LHFPL3: variants seen among roughly 807,000 people sequenced by gnomAD.
LHFPL3 encodes LHFPL tetraspan subfamily member 3 protein.
A neutral mutation model predicts 19.3 loss-of-function variants in LHFPL3; 5 were observed. That is an observed-to-expected ratio of 0.26 (90% CI 0.14 to 0.54). The LOEUF (loss-of-function observed/expected upper bound fraction) is 0.54, where lower values mean the gene tolerates loss of function less well. Ranked by LOEUF, LHFPL3 falls within the 20% of genes least tolerant of loss-of-function variation. The pLI, the probability that LHFPL3 is intolerant of heterozygous loss-of-function variation, is 0.94. For synonymous variants in LHFPL3, 133 were observed against 126.2 expected (o/e 1.05, Z -0.36); for missense variants, 249 against 307.4 (o/e 0.81, Z 1.42).
intron 1 of LHFPL3, among the ~76,000 whole-genome samples, chr7:104,709,543 T>G (rs1028469469): frequency 4.5e-4 from 67 of 149,876 alleles, no homozygotes; most frequent in African/African-American, 1.6e-3. Context: ...GAGCACGGGG[T>G]TGGGGGTAAG....
At chr7:104,465,809 T>G (rs1313284514) in intron 1 of LHFPL3, among the ~76,000 whole-genome samples, 1 of 152,224 alleles carries the variant, frequency 6.6e-6, no homozygotes, top group African/African-American at 2.4e-5. Context: ...ACCATATCAC[T>G]GCCTTAATTT....
At chr7:104,352,822 G>A (rs190256544) in intron 1 of LHFPL3, among the ~76,000 whole-genome samples, 13 of 152,318 alleles carry the variant, frequency 8.5e-5, no homozygotes, top group African/African-American at 2.9e-4. Flanking sequence ...TGGGTTCCAC[G>A]GATGTGGGAA....
At chr7:104,904,884 T>C (rs1465624925) in intron 2 of LHFPL3, among the ~76,000 whole-genome samples, 5 of 152,188 alleles carry the variant, frequency 3.3e-5, no homozygotes, top group Non-Finnish European at 5.9e-5. Context: ...GCTGTATTGA[T>C]ACAGGATCAG....
At chr7:104,641,624 G>T (rs1283606815) in intron 1 of LHFPL3, among the ~76,000 whole-genome samples, 1 of 152,126 alleles carries the variant, frequency 6.6e-6, no homozygotes, top group African/African-American at 2.4e-5. Context: ...TTCTTTAGTG[G>T]ATAGTCACTC....
intron 1 of LHFPL3, among the ~76,000 whole-genome samples, chr7:104,373,925 C>CA (rs954093028): frequency 8.6e-5 from 13 of 151,860 alleles, no homozygotes; most frequent in Admixed American, 2.0e-4. Flanking sequence ...AAAACAAAAA[C>CA]AAAAAAACAT....
At chr7:104,773,753 G>A (rs781002415) in intron 2 of LHFPL3, among the ~76,000 whole-genome samples, 8 of 152,074 alleles carry the variant, frequency 5.3e-5, no homozygotes, top group African/African-American at 1.7e-4. Flanking sequence ...GGTGGAGATC[G>A]GGCGACACAT....
intron 1 of LHFPL3, among the ~76,000 whole-genome samples, chr7:104,654,160 A>G (rs1173402273): frequency 6.6e-6 from 1 of 152,196 alleles, no homozygotes; most frequent in East Asian, 1.9e-4. Flanking sequence ...TTTCTTAGTC[A>G]GTTGCTTTAT....
intron 2 of LHFPL3, among the ~76,000 whole-genome samples, chr7:104,894,172 T>C (rs1356656554): frequency 6.6e-6 from 1 of 152,184 alleles, no homozygotes; most frequent in African/African-American, 2.4e-5. Flanking sequence ...TACAGTGGTA[T>C]GGATACTACT....
intron 1 of LHFPL3, among the ~76,000 whole-genome samples, chr7:104,697,409 A>G (rs558816242): frequency 2.2e-4 from 33 of 152,368 alleles, no homozygotes; most frequent in African/African-American, 6.7e-4. Flanking sequence ...CACATAATGT[A>G]TATGTCACCA....
chr7:104,596,439 A>G (rs1790860777), intron 1 of LHFPL3, among the ~76,000 whole-genome samples: 1 of 152,252 alleles, frequency 6.6e-6, no homozygotes, highest in African/African-American at 2.4e-5. Context: ...ATCTCTTAGT[A>G]TGATTTATTG....
intron 1 of LHFPL3, among the ~76,000 whole-genome samples, chr7:104,464,662 T>C (rs1792742354): frequency 6.6e-6 from 1 of 152,232 alleles, no homozygotes; most frequent in Non-Finnish European, 1.5e-5. Flanking sequence ...GAAGCAATGG[T>C]TGAGCTATAC....
chr7:104,748,198 C>A (rs1794087354), intron 2 of LHFPL3, among the ~76,000 whole-genome samples: 1 of 151,410 alleles, frequency 6.6e-6, no homozygotes, highest in South Asian at 2.1e-4. Context: ...CTCAAGTACC[C>A]AGGGACACAA....
intron 1 of LHFPL3, among the ~76,000 whole-genome samples, chr7:104,333,481 G>A (rs937420124): frequency 6.6e-6 from 1 of 152,180 alleles, no homozygotes; most frequent in African/African-American, 2.4e-5. Flanking sequence ...CATTCTGAGT[G>A]TACCAGCAAG....
At chr7:104,455,571 A>C (rs540073131) in intron 1 of LHFPL3, among the ~76,000 whole-genome samples, 1 of 152,256 alleles carries the variant, frequency 6.6e-6, no homozygotes, top group East Asian at 1.9e-4. Flanking sequence ...AAATACAAAA[A>C]TTAGCTGGGT....
chr7:104,591,628 G>A (rs190326833), intron 1 of LHFPL3, among the ~76,000 whole-genome samples: 23 of 152,162 alleles, frequency 1.5e-4, no homozygotes, highest in Middle Eastern at 3.4e-3. Flanking sequence ...TCTTTGTGGC[G>A]TTCTCTGTAT....
At chr7:104,424,954 C>G (rs1791810802) in intron 1 of LHFPL3, among the ~76,000 whole-genome samples, 1 of 135,576 alleles carries the variant, frequency 7.4e-6, no homozygotes, top group South Asian at 2.3e-4. Flanking sequence ...TACACTCCAG[C>G]CTGGGCGACA....
intron 1 of LHFPL3, among the ~76,000 whole-genome samples, chr7:104,596,478 T>G (rs766838911): frequency 1.6e-4 from 24 of 152,242 alleles, no homozygotes; most frequent in Non-Finnish European, 2.9e-4. Flanking sequence ...GGTCACTTTT[T>G]CAGCTCTGTA....
At chr7:104,736,650 T>C (rs768052411) in intron 1 of LHFPL3, 25 bp from the exon 2 acceptor site, 2 of 1,500,268 alleles carry the variant, frequency 1.3e-6, no homozygotes, top group Non-Finnish European at 1.8e-6. Context: ...TTTGTTTCTT[T>C]TGTTTTTCTC....
intron 1 of LHFPL3, among the ~76,000 whole-genome samples, chr7:104,673,583 A>G (rs1430035440): frequency 6.6e-6 from 1 of 152,224 alleles, no homozygotes; most frequent in Non-Finnish European, 1.5e-5. Context: ...AGCAGTGTGC[A>G]TTAGACTGGG....
Sources: gnomAD v4.1 joint callset for allele counts (sites outside exome capture counted in the v4.1 genomes callset) on GRCh38, gnomAD v4.1.1 for gene constraint, MANE v1.5 for transcripts, NCBI Gene and HGNC (gene_info 2026-07-23, HGNC 2026-07-21) for gene names.